The following OTUD1 variants were observed in gnomAD, a reference collection of about 807,000 sequenced individuals.
The protein encoded by OTUD1 is OTU domain-containing protein 1.
Under a neutral mutation model 30.0 loss-of-function variants are expected in OTUD1, and 15 were observed. The observed-to-expected ratio is 0.50, with a 90% CI of 0.33 to 0.77. OTUD1 has a LOEUF of 0.77. OTUD1 is among the 30% of genes least tolerant of loss of function. The pLI is 0.02. For missense variants in OTUD1, 796 were observed against 697.8 expected (o/e 1.14, Z -1.59); for synonymous variants, 381 against 326.3 (o/e 1.17, Z -1.81).
In OTUD1 at chr10:23,440,201, TG is replaced by T; in HGVS notation, c.748del (p.Asp250ThrfsTer29). On this transcript the variant is annotated frameshift_variant, in exon 1 of 1. Transcript: ENST00000376495. LOFTEE classifies it high-confidence loss of function. The stretch of plus-strand genomic sequence containing the variant: ...GCGGCGATCGCTGCGACGCGCCCGG[TG>T]GGGACGCGGCGCGGAGGCCCGACCC... The part of the protein sequence containing the change: ...RGGDRCDAPG[G>X]DAARRPDPEA... 6.7e-7 allele frequency: 1 copy of T among 1,481,976 alleles called. No individual in the cohort carries two copies. Among genetic ancestry groups the T allele is most frequent in the Non-Finnish European group, 9.0e-7 (1 of 1,115,702 alleles). The allele number at this position is 1,481,976 out of a possible 1,614,324, so 91.8% of individuals were successfully genotyped here. A position where few individuals can be genotyped will look rare whatever the true frequency, so the allele number is the denominator to read the frequency against.
In OTUD1 at chr10:23,440,685, C is replaced by A. The variant is rs2132480947; in HGVS notation, c.1228C>A (p.His410Asn). 1 of 1,551,884 alleles carries A rather than the reference C, an allele frequency of 6.4e-7. No individual in the cohort carries two copies. Among genetic ancestry groups the A allele is most frequent in the South Asian group, 1.2e-5 (1 of 84,068 alleles). The change falls in exon 1 of 1, where the codon CAT (histidine) becomes AAT (asparagine). Residue 410 changes from histidine (H) to asparagine (N), a missense_variant. By Grantham distance (68) the His-to-Asn change is moderately conservative. Transcript: ENST00000376495. ...GAGTCCCACGGTGTCTACCATGATT[C>A]ATTATTTGGGCCCAGAGGATTCCCT... ...LESPTVSTMI[H>N]YLGPEDSLRP...
rs972362525 is a variant in OTUD1 at position 23,439,109 on chromosome 10, A to T, written c.-349A>T. 6.6e-6 allele frequency among the ~76,000 whole-genome samples: 1 copy of T among 150,516 alleles called. No individual in the cohort carries two copies. Among genetic ancestry groups the T allele is most frequent in the Non-Finnish European group, 1.5e-5 (1 of 67,446 alleles). On this transcript the variant is annotated 5_prime_UTR_variant, in exon 1 of 1. Transcript: ENST00000376495. Reference sequence around the variant, plus strand: ...CACCGCGCTCCTCCTCGCCGGCGGGACGCGCTCCAACGGGGCGGGCGGCTT... The same window carrying T: ...CACCGCGCTCCTCCTCGCCGGCGGGTCGCGCTCCAACGGGGCGGGCGGCTT...
rs1847105057 is a variant in OTUD1 at position 23,439,712 on chromosome 10, C to A, written c.255C>A (p.Ala85=). ...FSSCFEVVSG[A]AAPASAAAGP... is the part of the protein sequence containing the mutation. ...CCTGCTTCGAGGTGGTGTCCGGGGC[C>A]GCCGCGCCCGCCTCCGCCGCCGCCG... Residue 85 remains alanine, a synonymous_variant, in exon 1 of 1, where the codon GCC becomes GCA. Coordinates refer to ENST00000376495, the MANE Select transcript of OTUD1 (RefSeq NM_001145373.3). 8.4e-7 allele frequency: 1 copy of A among 1,190,888 alleles called. No individual in the cohort carries two copies. Among genetic ancestry groups the A allele is most frequent in the Admixed American group, 4.6e-5 (1 of 21,870 alleles). The allele number at this position is 1,190,888 out of a possible 1,614,324, so 73.8% of individuals were successfully genotyped here. A position where few individuals can be genotyped will look rare whatever the true frequency, so the allele number is the denominator to read the frequency against.
Position 23,440,537 on chromosome 10 carries a change from C to G in OTUD1, c.1080C>G (p.Gly360=). The change falls in exon 1 of 1, where the codon GGC becomes GGG. Residue 360 remains glycine (G), a synonymous_variant. Coordinates refer to ENST00000376495, the MANE Select transcript of OTUD1 (RefSeq NM_001145373.3). Reference sequence around the variant, plus strand: ...ACCACTTCAGCCCCCTGATTGAGGGCGACGTGGGGGAGTTTATCATCGCTG... The same window carrying G: ...ACCACTTCAGCCCCCTGATTGAGGGGGACGTGGGGGAGTTTATCATCGCTG... ...HLDHFSPLIE[G]DVGEFIIAAA... is the part of the protein sequence containing the mutation. The G allele has an allele frequency of 6.4e-7, 1 of 1,551,696 alleles. No individual in the cohort carries two copies. Among genetic ancestry groups the G allele is most frequent in the East Asian group, 2.4e-5 (1 of 40,908 alleles).
Position 23,440,815 on chromosome 10 carries a change from A to T in OTUD1, c.1358A>T (p.Gln453Leu). 6.4e-7 allele frequency: 1 copy of T among 1,552,198 alleles called. No individual in the cohort carries two copies. The highest frequency in any genetic ancestry group is 8.7e-7 in the Non-Finnish European group (1 of 1,147,098). Residue 453 changes from glutamine to leucine, a missense_variant, in exon 1 of 1, where the codon CAA (glutamine) becomes CTA (leucine). By Grantham distance (113) the Gln-to-Leu change is moderately radical. Transcript: ENST00000376495. Reference sequence around the variant, plus strand: ...TACGACAACTGGTGCAAACAAACTCAAGTGCAAAGGAAACGCGACGAAGAA... The same window carrying T: ...TACGACAACTGGTGCAAACAAACTCTAGTGCAAAGGAAACGCGACGAAGAA... ...PEYDNWCKQTQVQRKRDEELA... is the reference protein window; with the variant it reads ...PEYDNWCKQTLVQRKRDEELA...
chr10:23,442,319 A>G lies in OTUD1; in HGVS notation c.*1416A>G, dbSNP rs1847139103. ...TCCTAAATTATCACATGAAGAGGAT[A>G]GGCTAATCATGAGTAATTTCAAAGG... is the stretch of plus-strand genomic sequence containing the variant. On this transcript the variant is annotated 3_prime_UTR_variant, in exon 1 of 1. Transcript: ENST00000376495. The G allele has an allele frequency of 6.0e-6, 1 of 167,098 alleles. No homozygotes were observed. Among genetic ancestry groups the G allele is most frequent in the Non-Finnish European group, 1.5e-5 (1 of 68,122 alleles). 10.4% of individuals were successfully genotyped at this position (167,098 alleles called of 1,614,324 possible).
In OTUD1 at chr10:23,439,872, G is replaced by T. The variant is rs1190054972; in HGVS notation, c.415G>T (p.Ala139Ser). The stretch of plus-strand genomic sequence containing the variant: ...TCCCGTTCCCGGCGCCGCGGGCTCC[G>T]CCGCTGCCCCGCGCGGCCGCTGCCT... ...PDPVPGAAGS[A>S]AAPRGRCLLL... is the part of the protein sequence containing the mutation. The change falls in exon 1 of 1, where the codon GCC (alanine) becomes TCC (serine). Residue 139 changes from alanine to serine, a missense_variant. Ala to Ser is a moderately conservative substitution (Grantham distance 99). Transcript: ENST00000376495. 3 of 1,138,950 alleles carry T rather than the reference G, an allele frequency of 2.6e-6. No individual in the cohort carries two copies. Among genetic ancestry groups the T allele is most frequent in the East Asian group, 4.8e-5 (1 of 20,878 alleles). 70.6% of individuals were successfully genotyped at this position (1,138,950 alleles called of 1,614,324 possible). A position where few individuals can be genotyped will look rare whatever the true frequency, so the allele number is the denominator to read the frequency against.
chr10:23,439,503 C>T lies in OTUD1; in HGVS notation c.46C>T (p.Pro16Ser). The change falls in exon 1 of 1, where the codon CCG (proline) becomes TCG (serine). Residue 16 changes from proline (P) to serine (S), a missense_variant. Coordinates refer to ENST00000376495, the MANE Select transcript of OTUD1 (RefSeq NM_001145373.3). ...CTGCACCCACTACCCCGCCGGGGCC[C>T]CGGGTCCCACGGCCGCCGCCCCCGC... The part of the protein sequence containing the change: ...SVCTHYPAGA[P>S]GPTAAAPAPP... 1.5e-6 allele frequency: 2 copies of T among 1,372,112 alleles called. No homozygotes were observed. Among genetic ancestry groups the T allele is most frequent in the African/African-American group, 1.5e-5 (1 of 65,734 alleles). 85.0% of individuals were successfully genotyped at this position (1,372,112 alleles called of 1,614,324 possible).
rs554358025 is a variant in OTUD1, at chr10:23,442,315, G to T, written c.*1412G>T. ...GGTTTCCTAAATTATCACATGAAGA[G>T]GATAGGCTAATCATGAGTAATTTCA... On this transcript the variant is annotated 3_prime_UTR_variant, in exon 1 of 1. Transcript: ENST00000376495. The T allele has an allele frequency of 1.2e-5, 2 of 167,050 alleles. No individual in the cohort carries two copies. The highest frequency in any genetic ancestry group is 2.9e-5 in the Non-Finnish European group (2 of 68,078). 10.3% of individuals were successfully genotyped at this position (167,050 alleles called of 1,614,324 possible).
At position 23,442,272 on chromosome 10, in the gene OTUD1, A is replaced by C. The variant is rs971810573; in HGVS notation, c.*1369A>C. The C allele has an allele frequency of 6.0e-6, 1 of 167,090 alleles. No homozygotes were observed. The highest frequency in any genetic ancestry group is 2.1e-4 in the South Asian group (1 of 4,836). 10.4% of individuals were successfully genotyped at this position (167,090 alleles called of 1,614,324 possible). On this transcript the variant is annotated 3_prime_UTR_variant, in exon 1 of 1. Coordinates refer to ENST00000376495, the MANE Select transcript of OTUD1 (RefSeq NM_001145373.3). Reference sequence around the variant, plus strand: ...TACACAATTTTTTTTTTCCATAAAGATGCCACAGCAATAGAGAGGTTTCCT... The same window carrying C: ...TACACAATTTTTTTTTTCCATAAAGCTGCCACAGCAATAGAGAGGTTTCCT...
In OTUD1 at chr10:23,439,332, C is replaced by T. The variant is rs945425556; in HGVS notation, c.-126C>T. 3 of 853,080 alleles carry T rather than the reference C, an allele frequency of 3.5e-6. No homozygotes were observed. Among genetic ancestry groups the T allele is most frequent in the Admixed American group, 4.6e-5 (1 of 21,812 alleles). The allele number at this position is 853,080 out of a possible 1,614,324, so 52.8% of individuals were successfully genotyped here. A position where few individuals can be genotyped will look rare whatever the true frequency, so the allele number is the denominator to read the frequency against. Reference sequence around the variant, plus strand: ...TGACTCGCGGCGGCCGGCTGCCTTTCGCTCATCTCTATTCTGGGGCCGTTG... The same window carrying T: ...TGACTCGCGGCGGCCGGCTGCCTTTTGCTCATCTCTATTCTGGGGCCGTTG... On this transcript the variant is annotated 5_prime_UTR_variant, in exon 1 of 1. Transcript: ENST00000376495.
In OTUD1 at chr10:23,439,327, C is replaced by T; in HGVS notation, c.-131C>T. 3.7e-6 allele frequency: 3 copies of T among 803,020 alleles called. No homozygotes were observed. Among genetic ancestry groups the T allele is most frequent in the Non-Finnish European group, 4.9e-6 (3 of 606,654 alleles). The allele number at this position is 803,020 out of a possible 1,614,324, so 49.7% of individuals were successfully genotyped here. A position where few individuals can be genotyped will look rare whatever the true frequency, so the allele number is the denominator to read the frequency against. On this transcript the variant is annotated 5_prime_UTR_variant, in exon 1 of 1. Coordinates refer to ENST00000376495, the MANE Select transcript of OTUD1 (RefSeq NM_001145373.3). ...GCTGCTGACTCGCGGCGGCCGGCTG[C>T]CTTTCGCTCATCTCTATTCTGGGGC... is the stretch of plus-strand genomic sequence containing the variant.
rs537634277 is a variant in OTUD1, at chr10:23,439,462, A to C, written c.5A>C (p.Gln2Pro). 230 of 1,313,524 alleles carry C rather than the reference A, an allele frequency of 1.8e-4. 1 individual carries two copies. The South Asian group carries it at 4.3e-3, about 24-fold the overall frequency. The allele number at this position is 1,313,524 out of a possible 1,614,324, so 81.4% of individuals were successfully genotyped here. A position where few individuals can be genotyped will look rare whatever the true frequency, so the allele number is the denominator to read the frequency against. Residue 2 changes from glutamine to proline, a missense_variant, in exon 1 of 1, where the codon CAG (glutamine) becomes CCG (proline). Coordinates refer to ENST00000376495, the MANE Select transcript of OTUD1 (RefSeq NM_001145373.3). M[Q>P]LYSSVCTHYP... The stretch of plus-strand genomic sequence containing the variant: ...GGCCGAGCGGCGGGCAGGGACATGC[A>C]GCTCTACAGCAGCGTCTGCACCCAC...
Position 23,441,220 on chromosome 10 carries a change from TG to T in OTUD1, c.*318del, listed in dbSNP as rs1419167213. The T allele has an allele frequency of 1.8e-5, 5 of 283,072 alleles. No individual in the cohort carries two copies. The East Asian group carries it at 3.8e-4, about 22-fold the overall frequency. The allele number at this position is 283,072 out of a possible 1,614,324, so 17.5% of individuals were successfully genotyped here. A position where few individuals can be genotyped will look rare whatever the true frequency, so the allele number is the denominator to read the frequency against. ...CCTGGTAGTCTATTTTCTATAAAAATGTATTTTTGCACAACATTTTTAAAAA... is the reference window on the plus strand; with the variant it reads ...CCTGGTAGTCTATTTTCTATAAAAATTATTTTTGCACAACATTTTTAAAAA... On this transcript the variant is annotated 3_prime_UTR_variant, in exon 1 of 1. Coordinates refer to ENST00000376495, the MANE Select transcript of OTUD1 (RefSeq NM_001145373.3).
Position 23,440,499 on chromosome 10 carries a change from G to T in OTUD1, c.1042G>T (p.Ala348Ser), listed in dbSNP as rs1486199730. The T allele has an allele frequency of 6.4e-7, 1 of 1,551,700 alleles. No homozygotes were observed. The highest frequency in any genetic ancestry group is 2.0e-5 in the Admixed American group (1 of 51,004). Reference protein sequence around the residue: ...ELREQTVHYIADHLDHFSPLI... With the variant: ...ELREQTVHYISDHLDHFSPLI... ...GAGGGAGCAGACGGTGCACTACATC[G>T]CCGACCATCTCGACCACTTCAGCCC... is the stretch of plus-strand genomic sequence containing the variant. The change falls in exon 1 of 1, where the codon GCC (alanine) becomes TCC (serine). Residue 348 changes from alanine (A) to serine (S), a missense_variant. Ala to Ser is a moderately conservative substitution (Grantham distance 99). Transcript: ENST00000376495.
In OTUD1 at chr10:23,439,863, G is replaced by A; in HGVS notation, c.406G>A (p.Ala136Thr). 3 of 1,123,386 alleles carry A rather than the reference G, an allele frequency of 2.7e-6. No individual in the cohort carries two copies. The highest frequency in any genetic ancestry group is 3.3e-6 in the Non-Finnish European group (3 of 920,886). 69.6% of individuals were successfully genotyped at this position (1,123,386 alleles called of 1,614,324 possible). The change falls in exon 1 of 1, where the codon GCG (alanine) becomes ACG (threonine). Residue 136 changes from alanine to threonine, a missense_variant. Coordinates refer to ENST00000376495, the MANE Select transcript of OTUD1 (RefSeq NM_001145373.3). ...LHGPDPVPGA[A>T]GSAAAPRGRC... ...CGGGCCCGATCCCGTTCCCGGCGCC[G>A]CGGGCTCCGCCGCTGCCCCGCGCGG... is the stretch of plus-strand genomic sequence containing the variant.
At position 23,440,802 on chromosome 10, in the gene OTUD1, T is replaced by A. The variant is rs1847119287; in HGVS notation, c.1345T>A (p.Cys449Ser). The A allele has an allele frequency of 6.4e-7, 1 of 1,552,052 alleles. No individual in the cohort carries two copies. ...TCCTAACCCAGAGTACGACAACTGG[T>A]GCAAACAAACTCAAGTGCAAAGGAA... is the stretch of plus-strand genomic sequence containing the variant. ...SYPNPEYDNW[C>S]KQTQVQRKRD... Residue 449 changes from cysteine (C) to serine (S), a missense_variant, in exon 1 of 1, where the codon TGC (cysteine) becomes AGC (serine). Cys to Ser is a moderately radical substitution (Grantham distance 112, BLOSUM62 -1). Coordinates refer to ENST00000376495, the MANE Select transcript of OTUD1 (RefSeq NM_001145373.3).
rs767186318 is a variant in OTUD1 at position 23,440,577 on chromosome 10, G to A, written c.1120G>A (p.Ala374Thr). Residue 374 changes from alanine to threonine, a missense_variant, in exon 1 of 1, where the codon GCA (alanine) becomes ACA (threonine). Transcript: ENST00000376495. ...EFIIAAAQDG[A>T]WAGYPELLAM... Reference sequence around the variant, plus strand: ...TATCATCGCTGCTGCCCAAGACGGGGCATGGGCCGGGTACCCGGAGTTGCT... The same window carrying A: ...TATCATCGCTGCTGCCCAAGACGGGACATGGGCCGGGTACCCGGAGTTGCT... 4.5e-5 allele frequency: 70 copies of A among 1,551,580 alleles called. No homozygotes were observed. The highest frequency in any genetic ancestry group is 5.9e-5 in the Non-Finnish European group (68 of 1,147,020).
Position 23,439,515 on chromosome 10 carries a change from G to GCCGCCGCCCCCGCGCCAC in OTUD1, c.67_84dup (p.Pro23_Ala28dup). ...CCCCGCCGGGGCCCCGGGTCCCACG[G>GCCGCCGCCCCCGCGCCAC]CCGCCGCCCCCGCGCCACCCGCCGC... On this transcript the variant is annotated inframe_insertion, in exon 1 of 1. Transcript: ENST00000376495. 1 of 1,369,530 alleles carries GCCGCCGCCCCCGCGCCAC rather than the reference G, an allele frequency of 7.3e-7. No individual in the cohort carries two copies. The highest frequency in any genetic ancestry group is 9.4e-7 in the Non-Finnish European group (1 of 1,061,088). The allele number at this position is 1,369,530 out of a possible 1,614,324, so 84.8% of individuals were successfully genotyped here.
Sources: allele counts gnomAD v4.1 joint callset (sites outside exome capture counted in the v4.1 genomes callset), GRCh38; gene constraint gnomAD v4.1.1; transcripts MANE v1.5; gene names NCBI Gene and HGNC (gene_info 2026-07-23, HGNC 2026-07-21).